The following BOLA3 variants were observed in gnomAD, a reference collection of about 807,000 sequenced individuals.
BOLA3 encodes bolA family member 3.
BOLA3 carries 8 observed loss-of-function variants against 14.5 expected under a neutral mutation model. That is an observed-to-expected ratio of 0.55 (90% CI 0.32 to 0.99). The LOEUF (loss-of-function observed/expected upper bound fraction) is 0.99, where lower values mean the gene tolerates loss of function less well. Among genes scored for constraint, BOLA3 ranks in the 50% least tolerant of loss-of-function variants. The probability of loss-of-function intolerance (pLI) is 0.04; values close to 1 mark genes in which losing one functional copy is unlikely to be tolerated. For missense variants in BOLA3, 115 were observed against 138.2 expected (o/e 0.83, Z 0.84); for synonymous variants, 42 against 45.7 (o/e 0.92, Z 0.33).
At chr2:74,136,981 C>A (rs931816312) in intron 3 of BOLA3, among the ~76,000 whole-genome samples, 4 of 152,122 alleles carry the variant, frequency 2.6e-5, no homozygotes, top group African/African-American at 9.7e-5. Context: ...GGGCTTGGAC[C>A]GCTCAAGTTT....
chr2:74,139,924 C>T (rs751944591), intron 3 of BOLA3, among the ~76,000 whole-genome samples: 2 of 152,104 alleles, frequency 1.3e-5, no homozygotes, highest in Non-Finnish European at 1.5e-5. Context: ...GCAGGAGGAT[C>T]GTCAAGGAGT....
intron 3 of BOLA3, among the ~76,000 whole-genome samples, chr2:74,139,351 C>T (rs929747339): frequency 6.6e-6 from 1 of 152,162 alleles, no homozygotes; most frequent in African/African-American, 2.4e-5. Flanking sequence ...CAGGCCCCCA[C>T]CCAAACAGCC....
At chr2:74,145,751 G>C in intron 1 of BOLA3, 1 of 217,452 alleles carries the variant, frequency 4.6e-6, no homozygotes, top group Non-Finnish European at 9.4e-6. Context: ...TGGATGGTGG[G>C]GCCAAATTCC....
rs2077165 is a variant in BOLA3, at chr2:74,144,495, C to T, written c.169+694G>A. Among the ~76,000 whole-genome samples the T allele has an allele frequency of 3.4e-3, 521 of 152,280 alleles. 15 individuals carry two copies. In the South Asian group the frequency reaches 0.068, roughly 20 times the overall value. ...AGACTGATGCCTATCCAGCGGCCCACGCCACGGGCCGTTCTGTGTGTACGT... is the reference window on the plus strand; with the variant it reads ...AGACTGATGCCTATCCAGCGGCCCATGCCACGGGCCGTTCTGTGTGTACGT... On this transcript the variant is annotated intron_variant, in intron 2 of 3. Coordinates refer to ENST00000327428, the MANE Select transcript of BOLA3 (RefSeq NM_212552.3).
At chr2:74,136,891 A>G (rs138739286) in intron 3 of BOLA3, among the ~76,000 whole-genome samples, 4 of 152,196 alleles carry the variant, frequency 2.6e-5, no homozygotes, top group Non-Finnish European at 4.4e-5. Flanking sequence ...TCAGAGCCCA[A>G]ATCTGAAGGA....
intron 1 of BOLA3, 65 bp downstream of exon 1, chr2:74,147,756 C>T: frequency 6.7e-7 from 1 of 1,501,984 alleles, no homozygotes; most frequent in Non-Finnish European, 8.9e-7. Flanking sequence ...CGACAGCCGC[C>T]GGCCCCGCGG....
intron 3 of BOLA3, among the ~76,000 whole-genome samples, chr2:74,136,462 A>C (rs1021729663): frequency 6.6e-6 from 1 of 152,088 alleles, no homozygotes; most frequent in Non-Finnish European, 1.5e-5. Context: ...ATTTTTTTTG[A>C]AATTTTTTTT....
rs77933737 is a variant in BOLA3 at position 74,145,088 on chromosome 2, C to T, written c.169+101G>A. The T allele has an allele frequency of 5.9e-3, 4,476 of 757,852 alleles. 122 individuals are homozygous for T. In the African/African-American group the frequency reaches 0.067, roughly 11 times the overall value. The allele number at this position is 757,852 out of a possible 1,614,324, so 46.9% of individuals were successfully genotyped here. ...AGCAGCAACACATCTTGAGAAGCCA[C>T]TCACCAGCAGCAAGCCCCCTCCTCC... is the stretch of plus-strand genomic sequence containing the variant. On this transcript the variant is annotated intron_variant, in intron 2 of 3. Coordinates refer to ENST00000327428, the MANE Select transcript of BOLA3 (RefSeq NM_212552.3).
chr2:74,146,488 C>T (rs939327229), intron 1 of BOLA3: 3 of 152,398 alleles, frequency 2.0e-5, no homozygotes, highest in Non-Finnish European at 4.4e-5. Flanking sequence ...GGTGATAGAA[C>T]CCAGGCTCAT....
intron 3 of BOLA3, among the ~76,000 whole-genome samples, chr2:74,141,433 T>C (rs1057237152): frequency 6.6e-6 from 1 of 151,424 alleles, no homozygotes; most frequent in Admixed American, 6.6e-5. Flanking sequence ...GGAGGCAGCA[T>C]TTGAGCTGAG....
chr2:74,143,381 G>A (rs1291083868), intron 2 of BOLA3, among the ~76,000 whole-genome samples: 1 of 152,060 alleles, frequency 6.6e-6, no homozygotes, highest in Non-Finnish European at 1.5e-5. Context: ...GGATGGTCTC[G>A]ATCTCCTGAC....
intron 3 of BOLA3, among the ~76,000 whole-genome samples, chr2:74,138,216 C>T (rs1692368794): frequency 1.3e-5 from 2 of 152,212 alleles, no homozygotes; most frequent in African/African-American, 4.8e-5. Flanking sequence ...TGGCCGAAGT[C>T]CCATGGGTAA....
intron 2 of BOLA3, among the ~76,000 whole-genome samples, chr2:74,144,094 C>T (rs952047435): frequency 6.6e-6 from 1 of 151,324 alleles, no homozygotes; most frequent in Non-Finnish European, 1.5e-5. Context: ...CAGCCTCCGC[C>T]TCCCGGGTTC....
chr2:74,135,458 C>T lies in BOLA3; in HGVS notation c.*135G>A. On this transcript the variant is annotated 3_prime_UTR_variant, in exon 4 of 4. Transcript: ENST00000327428. The stretch of plus-strand genomic sequence containing the variant: ...TTAATTAACATCTAAATAGATTATA[C>T]ATCTTCTATAATTATAATATGGAAA... 2 of 1,278,702 alleles carry T rather than the reference C, an allele frequency of 1.6e-6. No homozygotes were observed. Among genetic ancestry groups the T allele is most frequent in the South Asian group, 1.2e-5 (1 of 82,032 alleles). The allele number at this position is 1,278,702 out of a possible 1,614,324, so 79.2% of individuals were successfully genotyped here. A position where few individuals can be genotyped will look rare whatever the true frequency, so the allele number is the denominator to read the frequency against.
At chr2:74,142,107 C>T (rs1692447489) in intron 3 of BOLA3, among the ~76,000 whole-genome samples, 165 bp downstream of exon 3, 1 of 152,236 alleles carries the variant, frequency 6.6e-6, no homozygotes, top group South Asian at 2.1e-4. Context: ...TGCCACAATG[C>T]AGATACTCCC....
chr2:74,142,636 T>A (rs564804925), intron 2 of BOLA3, among the ~76,000 whole-genome samples: 2 of 152,138 alleles, frequency 1.3e-5, no homozygotes, highest in African/African-American at 4.8e-5. Flanking sequence ...GCACAAAGCA[T>A]GGACAACCTA....
intron 3 of BOLA3, among the ~76,000 whole-genome samples, chr2:74,138,050 G>A (rs943353579): frequency 6.6e-5 from 10 of 152,240 alleles, no homozygotes; most frequent in African/African-American, 1.4e-4. Flanking sequence ...CAGGCCCTGC[G>A]CACTCCCCCT....
rs1265352818 is a variant in BOLA3, at chr2:74,145,407, CCT to C, written c.55-106_55-105del. 1.9e-5 allele frequency: 15 copies of C among 773,706 alleles called. No individual in the cohort carries two copies. The Admixed American group carries it at 2.0e-4, about 10-fold the overall frequency. 47.9% of individuals were successfully genotyped at this position (773,706 alleles called of 1,614,324 possible). ...TGCCATTCCCCCTGCAAGGCAGGCCCCTGAGCCCTCGCCAGCACAGCCATGGG... is the reference window on the plus strand; with the variant it reads ...TGCCATTCCCCCTGCAAGGCAGGCCCGAGCCCTCGCCAGCACAGCCATGGG... On this transcript the variant is annotated intron_variant, in intron 1 of 3. Transcript: ENST00000327428.
intron 3 of BOLA3, among the ~76,000 whole-genome samples, chr2:74,137,274 T>C (rs1338854872): frequency 6.6e-6 from 1 of 152,186 alleles, no homozygotes; most frequent in African/African-American, 2.4e-5. Context: ...TGGAGCCTTG[T>C]TTCTTGGGCC....
Sources: gnomAD v4.1 joint callset for allele counts (sites outside exome capture counted in the v4.1 genomes callset) on GRCh38, gnomAD v4.1.1 for gene constraint, MANE v1.5 for transcripts, NCBI Gene and HGNC (gene_info 2026-07-23, HGNC 2026-07-21) for gene names.